The following SHC3 variants were observed in gnomAD, a reference collection of about 807,000 sequenced individuals.
SHC3 encodes the protein SHC adaptor protein 3.
A neutral mutation model predicts 60.4 loss-of-function variants in SHC3; 15 were observed. The ratio of observed to expected loss-of-function variants is 0.25; its 90% CI spans 0.17 to 0.38. The LOEUF is 0.38. Ranked by LOEUF, SHC3 falls within the 10% of genes least tolerant of loss-of-function variation. The probability of loss-of-function intolerance (pLI) is 1.00; values close to 1 mark genes in which losing one functional copy is unlikely to be tolerated. For synonymous variants in SHC3, 294 were observed against 325.9 expected, an observed-to-expected ratio of 0.90 and a Z score of 1.05; for missense variants, 677 against 786.1, an observed-to-expected ratio of 0.86 and a Z score of 1.66.
At chr9:89,166,566 G>A (rs1826792017) in intron 1 of SHC3, among the ~76,000 whole-genome samples, 2 of 152,174 alleles carry the variant, frequency 1.3e-5, no homozygotes, top group African/African-American at 2.4e-5. Flanking sequence ...ACAGCATCAG[G>A]GTCTGCGGGG....
chr9:89,173,655 G>T (rs553996654), intron 1 of SHC3, among the ~76,000 whole-genome samples: 1 of 152,060 alleles, frequency 6.6e-6, no homozygotes, highest in Non-Finnish European at 1.5e-5. Context: ...TGTGTGTGTT[G>T]TGTGTGTGCA....
chr9:89,048,017 G>A lies in SHC3; in HGVS notation c.963-1023C>T, dbSNP rs571021662. 7.2e-5 allele frequency among the ~76,000 whole-genome samples: 11 copies of A among 152,270 alleles called. No homozygotes were observed. The South Asian group carries it at 8.3e-4, about 11-fold the overall frequency. ...TCCCAGCATTTTGGGAGGCCAAGGC[G>A]GGCAGATCATGAGGTCAGGAGTTCA... On this transcript the variant is annotated intron_variant, in intron 7 of 11. Coordinates refer to ENST00000375835, the MANE Select transcript of SHC3 (RefSeq NM_016848.6).
rs528066790 is a variant in SHC3 at position 89,024,084 on chromosome 9, C to T, written c.1657-10509G>A. Among the ~76,000 whole-genome samples, 7 of 152,202 alleles carry T rather than the reference C, an allele frequency of 4.6e-5. No homozygotes were observed. In the South Asian group the frequency reaches 1.0e-3, roughly 23 times the overall value. ...AGCTGTGGGTGTGATTCGTAAGTTACCTGTAATGCAACAATGCCTTCCCAG... is the reference window on the plus strand; with the variant it reads ...AGCTGTGGGTGTGATTCGTAAGTTATCTGTAATGCAACAATGCCTTCCCAG... On this transcript the variant is annotated intron_variant, in intron 11 of 11. Coordinates refer to ENST00000375835, the MANE Select transcript of SHC3 (RefSeq NM_016848.6).
intron 1 of SHC3, among the ~76,000 whole-genome samples, chr9:89,131,555 C>G (rs1826244678): frequency 6.6e-6 from 1 of 152,186 alleles, no homozygotes; most frequent in Non-Finnish European, 1.5e-5. Context: ...AAAAGCTTAT[C>G]CAACATGATC....
rs867977331 is a variant in SHC3 at position 89,178,133 on chromosome 9, C to A, written c.328G>T (p.Gly110Cys). 38 of 1,180,750 alleles carry A rather than the reference C, an allele frequency of 3.2e-5. No homozygotes were observed. The highest frequency in any genetic ancestry group is 3.8e-5 in the Non-Finnish European group (36 of 955,892). 73.1% of individuals were successfully genotyped at this position (1,180,750 alleles called of 1,614,324 possible). A position where few individuals can be genotyped will look rare whatever the true frequency, so the allele number is the denominator to read the frequency against. ...GCGCGGGGCGCCGAGGGCGCACTGC[C>A]GTCCGGGGCGGCCAGGCTGGGCGCG... The part of the protein sequence containing the change: ...CSAPSLAAPD[G>C]SAPSAPRAPA... Residue 110 changes from glycine (G) to cysteine (C), a missense_variant, in exon 1 of 12, where the codon GGC becomes TGC. Coordinates refer to ENST00000375835, the MANE Select transcript of SHC3 (RefSeq NM_016848.6). The surrounding 1 kb of genome is among the most constrained non-coding windows in gnomAD (Gnocchi z 6.9).
chr9:89,117,090 T>G (rs1826029658), intron 1 of SHC3, among the ~76,000 whole-genome samples: 2 of 152,160 alleles, frequency 1.3e-5, no homozygotes, highest in African/African-American at 4.8e-5. Context: ...CACTAACATA[T>G]AGTCACAGAA....
At chr9:89,095,879 C>T (rs549640386) in intron 2 of SHC3, among the ~76,000 whole-genome samples, 22 of 152,272 alleles carry the variant, frequency 1.4e-4, no homozygotes, top group African/African-American at 5.1e-4. Flanking sequence ...TGATAGAATT[C>T]CTGCCTGAGG....
In SHC3 at chr9:89,116,395, C is replaced by G. The variant is rs150889026; in HGVS notation, c.475-3769G>C. ...AACATCACAGAGTGATGTGGATACA[C>G]CACCACCACTATCACAGAGTTACGT... On this transcript the variant is annotated intron_variant, in intron 1 of 11. Transcript: ENST00000375835. 6.5e-3 allele frequency among the ~76,000 whole-genome samples: 990 copies of G among 152,142 alleles called. 3 individuals are homozygous for G. The highest frequency in any genetic ancestry group is 0.016 in the South Asian group (79 of 4,806).
intron 11 of SHC3, among the ~76,000 whole-genome samples, chr9:89,016,593 A>T (rs1217894236): frequency 6.6e-6 from 1 of 152,226 alleles, no homozygotes; most frequent in Non-Finnish European, 1.5e-5. Context: ...TCCATCAAGC[A>T]TTTAAGGAAT....
intron 1 of SHC3, among the ~76,000 whole-genome samples, chr9:89,124,437 C>T (rs576220269): frequency 5.9e-5 from 9 of 152,072 alleles, no homozygotes; most frequent in Non-Finnish European, 1.3e-4. Flanking sequence ...TGGAACCAAC[C>T]CAAATGCCCA....
chr9:89,097,707 G>C (rs1338813202), intron 2 of SHC3, among the ~76,000 whole-genome samples: 1 of 152,152 alleles, frequency 6.6e-6, no homozygotes, highest in Non-Finnish European at 1.5e-5. Flanking sequence ...CCTTTTCTGA[G>C]GGCTGCCTGT....
At chr9:89,043,159 C>G (rs2117894984) in intron 9 of SHC3, among the ~76,000 whole-genome samples, 2 of 152,236 alleles carry the variant, frequency 1.3e-5, no homozygotes, top group Middle Eastern at 3.4e-3. Context: ...GGAGTTGGTT[C>G]AGGGCTTTTT....
intron 2 of SHC3, among the ~76,000 whole-genome samples, chr9:89,099,005 AAAG>A (rs1174892049): frequency 2.0e-5 from 3 of 152,110 alleles, no homozygotes; most frequent in Non-Finnish European, 2.9e-5. Context: ...ATTAATTAAA[AAAG>A]AAATATGCAG....
At chr9:89,084,498 C>A (rs1194047373) in intron 2 of SHC3, among the ~76,000 whole-genome samples, 1 of 152,126 alleles carries the variant, frequency 6.6e-6, no homozygotes, top group African/African-American at 2.4e-5. Flanking sequence ...CCAACAGAGA[C>A]AAAATTGAGG....
At chr9:89,176,299 T>C (rs957374894) in intron 1 of SHC3, among the ~76,000 whole-genome samples, 9 of 152,220 alleles carry the variant, frequency 5.9e-5, no homozygotes, top group Admixed American at 1.3e-4. Flanking sequence ...TTTTCGTACA[T>C]TCATCATTAT....
chr9:89,064,669 C>T (rs1393840928), intron 6 of SHC3, among the ~76,000 whole-genome samples: 6 of 151,836 alleles, frequency 4.0e-5, no homozygotes, highest in Middle Eastern at 3.2e-3. Context: ...TCCATAAGGC[C>T]GCATCATGGA....
chr9:89,137,859 G>A (rs1254819091), intron 1 of SHC3, among the ~76,000 whole-genome samples: 4 of 152,134 alleles, frequency 2.6e-5, no homozygotes, highest in Non-Finnish European at 4.4e-5. Flanking sequence ...AATGAAACAC[G>A]TTGCTCCTTC....
chr9:89,104,416 G>A (rs1371818828), intron 2 of SHC3, among the ~76,000 whole-genome samples: 5 of 152,176 alleles, frequency 3.3e-5, no homozygotes, highest in African/African-American at 9.7e-5. Context: ...AACTCTGCAG[G>A]TGATTTTGAT....
At chr9:89,077,814 T>G (rs1825383295) in intron 3 of SHC3, 26 bp downstream of exon 3, 2 of 1,613,784 alleles carry the variant, frequency 1.2e-6, no homozygotes, top group South Asian at 2.2e-5. Context: ...GAGACACAGT[T>G]AGACACAGAG....
Sources: gnomAD v4.1 joint callset for allele counts (sites outside exome capture counted in the v4.1 genomes callset) on GRCh38, gnomAD v4.1.1 for gene constraint, Gnocchi (gnomAD v3.1) non-coding constraint, MANE v1.5 for transcripts, NCBI Gene and HGNC (gene_info 2026-07-23, HGNC 2026-07-21) for gene names.